The following USP15 variants were observed in gnomAD, a reference collection of about 807,000 sequenced individuals.
USP15 encodes the protein ubiquitin specific peptidase 15.
USP15 carries 18 observed loss-of-function variants against 127.1 expected under a neutral mutation model. The ratio of observed to expected loss-of-function variants is 0.14; its 90% CI spans 0.10 to 0.21. USP15 has a LOEUF of 0.21. USP15 is among the 10% of genes least tolerant of loss of function. The pLI, the probability that USP15 is intolerant of heterozygous loss-of-function variation, is 1.00. For missense variants in USP15, 805 were observed against 1,159.9 expected, an observed-to-expected ratio of 0.69 and a Z score of 4.44; for synonymous variants, 364 against 393.7, an observed-to-expected ratio of 0.92 and a Z score of 0.89.
intron 1 of USP15, among the ~76,000 whole-genome samples, chr12:62,285,296 A>G (rs1017609708): frequency 5.3e-5 from 8 of 152,044 alleles, no homozygotes; most frequent in South Asian, 2.1e-4. Flanking sequence ...TTCACGCTCT[A>G]TGTGTATACA....
chr12:62,329,744 T>C (rs1484471336), intron 6 of USP15, among the ~76,000 whole-genome samples: 1 of 152,168 alleles, frequency 6.6e-6, no homozygotes, highest in Non-Finnish European at 1.5e-5. Flanking sequence ...TGAGATACAA[T>C]TTTTCACCCA....
At position 62,412,703 on chromosome 12, in the gene USP15, A is replaced by G. The variant is rs752035872; in HGVS notation, c.*8328A>G. 1 of 152,238 alleles carries G rather than the reference A, an allele frequency of 6.6e-6. No individual in the cohort carries two copies. The highest frequency in any genetic ancestry group is 1.5e-5 in the Non-Finnish European group (1 of 68,074). 9.4% of individuals were successfully genotyped at this position (152,238 alleles called of 1,614,324 possible). On this transcript the variant is annotated 3_prime_UTR_variant, in exon 22 of 22. Transcript: ENST00000280377. ...TCATCTGTTCAAGTTTTATCATAAG[A>G]TTGCAGCAATCCAGACACATCTTCA...
At chr12:62,319,648 C>G (rs1177419381) in intron 4 of USP15, among the ~76,000 whole-genome samples, 1 of 152,152 alleles carries the variant, frequency 6.6e-6, no homozygotes, top group Non-Finnish European at 1.5e-5. Flanking sequence ...TTTTGCGTTA[C>G]TACCCCTATG....
At chr12:62,284,570 A>T (rs770541644) in intron 1 of USP15, among the ~76,000 whole-genome samples, 1 of 152,142 alleles carries the variant, frequency 6.6e-6, no homozygotes, top group African/African-American at 2.4e-5. Flanking sequence ...TTATAGTGCT[A>T]TATATGGTAA....
chr12:62,321,659 C>T, intron 5 of USP15, 50 bp downstream of exon 5: 1 of 1,406,834 alleles, frequency 7.1e-7, no homozygotes, highest in Non-Finnish European at 9.4e-7. Flanking sequence ...TTTTTGGATT[C>T]ACAAACTTTA....
intron 19 of USP15, chr12:62,393,578 G>A (rs1203609420): frequency 6.4e-6 from 1 of 155,602 alleles, no homozygotes; most frequent in African/African-American, 2.4e-5. Context: ...ATATGTTGGG[G>A]TTTTTTGGTG....
Position 62,384,070 on chromosome 12 carries a change from C to T in USP15, c.1249-8C>T. ...CCTCTTTCTAATTTGTGTCTATTAT[C>T]CTTGTAGGTGGTTGCCGAAGAAGCC... is the stretch of plus-strand genomic sequence containing the variant. On this transcript the variant is annotated splice_region_variant and splice_polypyrimidine_tract_variant and intron_variant, in intron 10 of 21. Coordinates refer to ENST00000280377, the MANE Select transcript of USP15 (RefSeq NM_001252078.2). 6.2e-7 allele frequency: 1 copy of T among 1,611,778 alleles called. No homozygotes were observed. The highest frequency in any genetic ancestry group is 8.5e-7 in the Non-Finnish European group (1 of 1,178,954).
chr12:62,357,886 A>G (rs1592660380), intron 8 of USP15, among the ~76,000 whole-genome samples: 1 of 152,254 alleles, frequency 6.6e-6, no homozygotes, highest in Non-Finnish European at 1.5e-5. Context: ...ACAAAAATTC[A>G]TGTAGTTCAT....
intron 1 of USP15, 69 bp downstream of exon 1, chr12:62,260,572 C>T (rs2063012669): frequency 6.9e-7 from 1 of 1,443,782 alleles, no homozygotes; most frequent in African/African-American, 1.4e-5. Context: ...GAGCCGCGAG[C>T]TGGTTCTTTC....
At position 62,405,664 on chromosome 12, in the gene USP15, A is replaced by G. The variant is rs1415412987; in HGVS notation, c.*1289A>G. On this transcript the variant is annotated 3_prime_UTR_variant, in exon 22 of 22. Coordinates refer to ENST00000280377, the MANE Select transcript of USP15 (RefSeq NM_001252078.2). ...ATACTGCCTTTAATAGAAAACCTAAATGCTGGGGCACATTTCACATATCGA... is the reference window on the plus strand; with the variant it reads ...ATACTGCCTTTAATAGAAAACCTAAGTGCTGGGGCACATTTCACATATCGA... The G allele has an allele frequency of 6.6e-6, 1 of 152,540 alleles. No individual in the cohort carries two copies. The highest frequency in any genetic ancestry group is 2.4e-5 in the African/African-American group (1 of 41,442). 9.4% of individuals were successfully genotyped at this position (152,540 alleles called of 1,614,324 possible).
intron 6 of USP15, chr12:62,335,485 C>T: frequency 8.2e-7 from 1 of 1,225,892 alleles, no homozygotes; most frequent in Non-Finnish European, 1.0e-6. Context: ...CTCTACTCTA[C>T]CTGTAGTATT....
Position 62,260,411 on chromosome 12 carries a change from G to A in USP15, c.-4G>A, listed in dbSNP as rs531233815. ...GCCACCTCCCCTACCGCTAGTGGAA[G>A]AAGATGGCGGAAGGCGGAGCGGCGG... On this transcript the variant is annotated 5_prime_UTR_variant, in exon 1 of 22. Coordinates refer to ENST00000280377, the MANE Select transcript of USP15 (RefSeq NM_001252078.2). 77 of 1,550,824 alleles carry A rather than the reference G, an allele frequency of 5.0e-5. No individual in the cohort carries two copies. The South Asian group carries it at 8.9e-4, about 18-fold the overall frequency.
intron 6 of USP15, among the ~76,000 whole-genome samples, chr12:62,339,308 TC>T (rs1414377442): frequency 6.6e-6 from 1 of 152,188 alleles, no homozygotes; most frequent in East Asian, 1.9e-4. Context: ...AATGGGCTTT[TC>T]TAAATATACA....
chr12:62,343,786 A>G (rs571159714), intron 6 of USP15, among the ~76,000 whole-genome samples: 1 of 152,088 alleles, frequency 6.6e-6, no homozygotes, highest in East Asian at 1.9e-4. Context: ...GAAATCACCT[A>G]CCTTCTCCAT....
chr12:62,366,742 G>A (rs916677535), intron 8 of USP15, among the ~76,000 whole-genome samples: 3 of 152,184 alleles, frequency 2.0e-5, no homozygotes, highest in African/African-American at 7.2e-5. Flanking sequence ...CTAGTTTATT[G>A]AGAGTTTTTA....
chr12:62,313,980 T>A, intron 3 of USP15: 1 of 843,882 alleles, frequency 1.2e-6, no homozygotes, highest in Non-Finnish European at 1.4e-6. Flanking sequence ...TCAGGCCTAT[T>A]ACTATTTTCA....
intron 1 of USP15, among the ~76,000 whole-genome samples, chr12:62,289,178 C>T (rs2063874539): frequency 6.6e-6 from 1 of 151,932 alleles, no homozygotes; most frequent in Non-Finnish European, 1.5e-5. Context: ...CTTTGTATGT[C>T]TGGTAGTATT....
chr12:62,310,611 A>G lies in USP15; in HGVS notation c.349-4179A>G, dbSNP rs117321723. On this transcript the variant is annotated intron_variant, in intron 3 of 21. Coordinates refer to ENST00000280377, the MANE Select transcript of USP15 (RefSeq NM_001252078.2). The stretch of plus-strand genomic sequence containing the variant: ...ACTCCATTGTTTATATATATATACA[A>G]TATTTATCCATTCATCCATTGATGA... Among the ~76,000 whole-genome samples the G allele has an allele frequency of 7.4e-3, 1,130 of 151,826 alleles. 3 individuals carry two copies. The highest frequency in any genetic ancestry group is 0.017 in the Middle Eastern group (5 of 294).
intron 8 of USP15, chr12:62,374,423 T>TG: frequency 1.0e-6 from 1 of 985,740 alleles, no homozygotes; most frequent in Non-Finnish European, 1.2e-6. Context: ...GCATACATGA[T>TG]CACTTGAGAA....
Sources: gnomAD v4.1 joint callset for allele counts (sites outside exome capture counted in the v4.1 genomes callset) on GRCh38, gnomAD v4.1.1 for gene constraint, MANE v1.5 for transcripts, NCBI Gene and HGNC (gene_info 2026-07-23, HGNC 2026-07-21) for gene names.